BFSP2: variants seen among roughly 807,000 people sequenced by gnomAD.
BFSP2 encodes beaded filament structural protein 2.
BFSP2 carries 38 observed loss-of-function variants against 44.9 expected under a neutral mutation model. The observed-to-expected ratio is 0.85, with a 90% CI of 0.65 to 1.11. BFSP2 has a LOEUF of 1.11. Ranked by LOEUF, BFSP2 falls within the 50% of genes least tolerant of loss-of-function variation. The pLI is 0.00. For missense variants in BFSP2, 525 were observed against 533.0 expected (o/e 0.99, Z 0.15); for synonymous variants, 197 against 209.9 (o/e 0.94, Z 0.53).
chr3:133,443,080 G>A (rs1344202158), intron 1 of BFSP2, among the ~76,000 whole-genome samples: 1 of 151,808 alleles, frequency 6.6e-6, no homozygotes, highest in African/African-American at 2.4e-5. Flanking sequence ...GGCTGGTCTG[G>A]AACAACTGAC....
In BFSP2 at chr3:133,450,424, A is replaced by C; in HGVS notation, c.851A>C (p.Glu284Ala). The change falls in exon 4 of 7, where the codon GAA becomes GCA. Residue 284 changes from glutamate (E) to alanine (A), a missense_variant. Coordinates refer to ENST00000302334, the MANE Select transcript of BFSP2 (RefSeq NM_003571.4). ...TIRIQWERDV[E>A]KNRVEAGALL... ...AGAATTCAGTGGGAGAGAGATGTTG[A>C]AAAGAACCGGGTGGAGGCAGGAGCC... 2 of 1,614,174 alleles carry C rather than the reference A, an allele frequency of 1.2e-6. No individual in the cohort carries two copies. The highest frequency in any genetic ancestry group is 1.7e-6 in the Non-Finnish European group (2 of 1,180,030).
chr3:133,425,544 A>C (rs1297139620), intron 1 of BFSP2, among the ~76,000 whole-genome samples: 1 of 152,096 alleles, frequency 6.6e-6, no homozygotes, highest in Non-Finnish European at 1.5e-5. Context: ...AAAACATCAC[A>C]CTCGTTTTAA....
intron 1 of BFSP2, among the ~76,000 whole-genome samples, chr3:133,417,888 C>T (rs1244950432): frequency 6.8e-6 from 1 of 146,088 alleles, no homozygotes; most frequent in African/African-American, 2.6e-5. Flanking sequence ...CTCTACTCAC[C>T]TCTGTCCTCT....
rs528682287 is a variant in BFSP2, at chr3:133,432,872, C to T, written c.490-14445C>T. 7.5e-4 allele frequency among the ~76,000 whole-genome samples: 114 copies of T among 152,324 alleles called. 1 individual carries two copies. Among genetic ancestry groups the T allele is most frequent in the African/African-American group, 2.3e-3 (97 of 41,564 alleles). ...ACACAAGAGCCAGGACCACATCCTG[C>T]AGCCTTTCTGTCCAAACAACTTGAC... On this transcript the variant is annotated intron_variant, in intron 1 of 6. Coordinates refer to ENST00000302334, the MANE Select transcript of BFSP2 (RefSeq NM_003571.4).
chr3:133,435,455 T>C (rs2073771714), intron 1 of BFSP2, among the ~76,000 whole-genome samples: 1 of 152,212 alleles, frequency 6.6e-6, no homozygotes, highest in Non-Finnish European at 1.5e-5. Flanking sequence ...GTCTTCAGGA[T>C]TGTACTGGTA....
intron 1 of BFSP2, among the ~76,000 whole-genome samples, chr3:133,431,716 A>G (rs1487683243): frequency 1.3e-5 from 2 of 152,012 alleles, no homozygotes; most frequent in African/African-American, 4.8e-5. Flanking sequence ...CCCACTCCAC[A>G]TTACCTTCTT....
At chr3:133,461,085 T>C (rs1440897626) in intron 4 of BFSP2, among the ~76,000 whole-genome samples, 1 of 152,126 alleles carries the variant, frequency 6.6e-6, no homozygotes, top group Non-Finnish European at 1.5e-5. Flanking sequence ...ATTGCAAAGG[T>C]AGCGTTTCTG....
chr3:133,465,709 G>T (rs1371378690), intron 4 of BFSP2, among the ~76,000 whole-genome samples: 2 of 152,216 alleles, frequency 1.3e-5, no homozygotes, highest in Non-Finnish European at 2.9e-5. Context: ...ATAACTCCTG[G>T]TTTGAGGGCG....
chr3:133,444,195 C>T (rs187662709), intron 1 of BFSP2, among the ~76,000 whole-genome samples: 2 of 152,066 alleles, frequency 1.3e-5, no homozygotes, highest in African/African-American at 4.8e-5. Context: ...AGGATCAGTG[C>T]CAGACTGCAC....
chr3:133,420,713 TCA>T (rs1285059359), intron 1 of BFSP2, among the ~76,000 whole-genome samples: 4 of 152,164 alleles, frequency 2.6e-5, no homozygotes, highest in African/African-American at 9.7e-5. Context: ...ACCTCTCTTC[TCA>T]CGTGTCCTGT....
chr3:133,473,060 T>G (rs2107946278), intron 6 of BFSP2, among the ~76,000 whole-genome samples: 1 of 151,936 alleles, frequency 6.6e-6, no homozygotes, highest in Non-Finnish European at 1.5e-5. Context: ...CCAGAATAGC[T>G]GGGGTTACAG....
rs1408576600 is a variant in BFSP2 at position 133,429,093 on chromosome 3, T to C, written c.490-18224T>C. Among the ~76,000 whole-genome samples the C allele has an allele frequency of 2.0e-5, 3 of 152,170 alleles. No individual in the cohort carries two copies. In the East Asian group the frequency reaches 5.8e-4, roughly 29 times the overall value. ...TTGAAACTCCCCTTGTACTCTGTCCTGATTGAATTCCACCCCCACCCCCCC... is the reference window on the plus strand; with the variant it reads ...TTGAAACTCCCCTTGTACTCTGTCCCGATTGAATTCCACCCCCACCCCCCC... On this transcript the variant is annotated intron_variant, in intron 1 of 6. Transcript: ENST00000302334.
intron 1 of BFSP2, among the ~76,000 whole-genome samples, chr3:133,406,340 G>A (rs1016950411): frequency 2.0e-5 from 3 of 152,354 alleles, no homozygotes; most frequent in East Asian, 3.9e-4. Context: ...AAAGAAAACA[G>A]AGGGAGACTA....
chr3:133,417,084 GC>G (rs2073542187), intron 1 of BFSP2, among the ~76,000 whole-genome samples: 1 of 40,772 alleles, frequency 2.5e-5, no homozygotes, highest in East Asian at 9.3e-4. Context: ...CTTCTACTCA[GC>G]CCTGCCCTCT....
At chr3:133,429,756 T>TG (rs1485601267) in intron 1 of BFSP2, 3 of 42,596 alleles carry the variant, frequency 7.0e-5, no homozygotes, top group African/African-American at 2.5e-4. Context: ...AATGTAAACT[T>TG]TTTTTTTTTT....
chr3:133,459,266 C>T (rs1241326998), intron 4 of BFSP2, among the ~76,000 whole-genome samples: 1 of 152,138 alleles, frequency 6.6e-6, no homozygotes, highest in Non-Finnish European at 1.5e-5. Context: ...ACTGCTCGAA[C>T]TCAGGAGGTC....
chr3:133,431,832 C>G (rs2073723661), intron 1 of BFSP2, among the ~76,000 whole-genome samples: 1 of 152,152 alleles, frequency 6.6e-6, no homozygotes, highest in South Asian at 2.1e-4. Flanking sequence ...AGACAATACC[C>G]TTTTAAGCAC....
At chr3:133,409,925 T>C in intron 1 of BFSP2, 1 of 157,368 alleles carries the variant, frequency 6.4e-6, no homozygotes, top group Non-Finnish European at 1.4e-5. Context: ...GAGGCTGCAC[T>C]GGGGAGAAAA....
chr3:133,415,975 G>A (rs557990175), intron 1 of BFSP2, among the ~76,000 whole-genome samples: 95 of 65,846 alleles, frequency 1.4e-3, no homozygotes, highest in Admixed American at 5.3e-3. Context: ...CTGCTCACCC[G>A]TCTACTCACC....
Sources: allele counts gnomAD v4.1 joint callset (sites outside exome capture counted in the v4.1 genomes callset), GRCh38; gene constraint gnomAD v4.1.1; transcripts MANE v1.5; gene names NCBI Gene and HGNC (gene_info 2026-07-23, HGNC 2026-07-21).